Variants in MIPEP observed in about 807,000 individuals in gnomAD.
The protein encoded by MIPEP is mitochondrial intermediate peptidase.
Under a neutral mutation model 90.3 loss-of-function variants are expected in MIPEP, and 79 were observed. That is an observed-to-expected ratio of 0.87 (90% CI 0.73 to 1.05). The LOEUF is 1.05. Among genes scored for constraint, MIPEP ranks in the 50% least tolerant of loss-of-function variants. The probability of loss-of-function intolerance (pLI) is 0.00; values close to 1 mark genes in which losing one functional copy is unlikely to be tolerated. For missense variants in MIPEP, 940 were observed against 905.6 expected (o/e 1.04, Z -0.49); for synonymous variants, 334 against 315.8 (o/e 1.06, Z -0.61).
intron 2 of MIPEP, 106 bp downstream of exon 2, chr13:23,886,227 T>C (rs920436267): frequency 6.7e-5 from 60 of 897,646 alleles, no homozygotes; most frequent in Non-Finnish European, 8.1e-5. Flanking sequence ...CAGACATTTT[T>C]AACTTTATAA....
intron 16 of MIPEP, 73 bp from the exon 17 acceptor site, chr13:23,760,290 C>T (rs909665310): frequency 1.8e-5 from 28 of 1,594,566 alleles, no homozygotes; most frequent in Non-Finnish European, 2.4e-5. Context: ...TGTGAGAACA[C>T]AGTGGAGACA....
intron 16 of MIPEP, among the ~76,000 whole-genome samples, chr13:23,765,541 C>T (rs891843253): frequency 8.5e-5 from 13 of 152,198 alleles, no homozygotes; most frequent in South Asian, 2.1e-4. Flanking sequence ...GGCCTTGAAA[C>T]ATATCCCTTG....
At chr13:23,821,739 G>A (rs1335407521) in intron 14 of MIPEP, among the ~76,000 whole-genome samples, 2 of 152,166 alleles carry the variant, frequency 1.3e-5, no homozygotes, top group Non-Finnish European at 2.9e-5. Context: ...AGTATTTGCA[G>A]ATAACCTAGA....
At chr13:23,767,342 T>C (rs556025374) in intron 16 of MIPEP, among the ~76,000 whole-genome samples, 2 of 152,176 alleles carry the variant, frequency 1.3e-5, no homozygotes, top group Non-Finnish European at 2.9e-5. Context: ...TTTTTTTAAA[T>C]GAGACTTAGG....
chr13:23,862,201 A>G, intron 9 of MIPEP, 101 bp downstream of exon 9: 3 of 719,908 alleles, frequency 4.2e-6, no homozygotes, highest in Non-Finnish European at 7.2e-6. Flanking sequence ...ACAAGACTAA[A>G]TGGACCTGTA....
intron 3 of MIPEP, 45 bp from the exon 4 acceptor site, chr13:23,879,399 C>T (rs764243966): frequency 9.8e-7 from 1 of 1,024,596 alleles, no homozygotes; most frequent in Non-Finnish European, 1.5e-6. Context: ...TTTCTAATAC[C>T]TTATTTTTAA....
intron 4 of MIPEP, among the ~76,000 whole-genome samples, chr13:23,876,003 G>A (rs1345991966): frequency 3.9e-5 from 6 of 152,212 alleles, no homozygotes; most frequent in African/African-American, 1.4e-4. Context: ...GACTGCAAAT[G>A]TTTTTACTCT....
intron 1 of MIPEP, among the ~76,000 whole-genome samples, chr13:23,887,910 A>G (rs546972112): frequency 8.5e-5 from 13 of 152,336 alleles, no homozygotes; most frequent in African/African-American, 2.6e-4. Flanking sequence ...TGTCATCTTT[A>G]TACTGATTTA....
At chr13:23,765,057 A>G (rs1330898427) in intron 16 of MIPEP, among the ~76,000 whole-genome samples, 1 of 152,202 alleles carries the variant, frequency 6.6e-6, no homozygotes, top group African/African-American at 2.4e-5. Flanking sequence ...CTGCAACCAC[A>G]ACCAAACGCA....
chr13:23,830,713 T>C (rs185437161), intron 14 of MIPEP, among the ~76,000 whole-genome samples: 1 of 152,340 alleles, frequency 6.6e-6, no homozygotes, highest in African/African-American at 2.4e-5. Context: ...CATGGTATCC[T>C]TCAAATGGTA....
chr13:23,760,041 G>C, intron 17 of MIPEP, 55 bp downstream of exon 17: 1 of 1,608,412 alleles, frequency 6.2e-7, no homozygotes, highest in Non-Finnish European at 8.5e-7. Flanking sequence ...AGATGTAATA[G>C]AGTGGGGAAT....
At chr13:23,822,685 T>C (rs1223182364) in intron 14 of MIPEP, among the ~76,000 whole-genome samples, 1 of 152,192 alleles carries the variant, frequency 6.6e-6, no homozygotes, top group Non-Finnish European at 1.5e-5. Flanking sequence ...ATTCTATTGT[T>C]TGTTAATGCC....
intron 4 of MIPEP, 128 bp downstream of exon 4, chr13:23,879,140 T>A (rs1871182632): frequency 2.9e-6 from 2 of 680,280 alleles, no homozygotes; most frequent in East Asian, 2.5e-5. Context: ...AGTGCAGGAG[T>A]CATAGAGATA....
chr13:23,863,703 T>C (rs145288782), intron 8 of MIPEP, among the ~76,000 whole-genome samples: 195 of 152,194 alleles, frequency 1.3e-3, no homozygotes, highest in African/African-American at 4.5e-3. Flanking sequence ...AGTAGAACAC[T>C]TCAGCTTGAA....
In MIPEP at chr13:23,837,623, T is replaced by C; in HGVS notation, c.1472A>G (p.Glu491Gly). The C allele has an allele frequency of 6.2e-7, 1 of 1,614,106 alleles. No individual in the cohort carries two copies. Among genetic ancestry groups the C allele is most frequent in the South Asian group, 1.1e-5 (1 of 91,086 alleles). The change falls in exon 13 of 19, where the codon GAA becomes GGA. Residue 491 changes from glutamate (E) to glycine (G), a missense_variant. By Grantham distance (98) the Glu-to-Gly change is moderately conservative. Transcript: ENST00000382172. ...ATGTCCCATTTCATGGAAAAGATTT[T>C]CCATCATGCTAGGAGTTAGCAAAGT... is the stretch of plus-strand genomic sequence containing the variant. ...SPTLLTPSMM[E>G]NLFHEMGHAM...
intron 16 of MIPEP, among the ~76,000 whole-genome samples, chr13:23,768,105 A>T (rs1952610528): frequency 6.6e-6 from 1 of 151,788 alleles, no homozygotes; most frequent in Non-Finnish European, 1.5e-5. Context: ...CTAGCTTTGA[A>T]ATGGTGAAGA....
chr13:23,825,603 G>A (rs987084441), intron 14 of MIPEP, among the ~76,000 whole-genome samples: 3 of 152,130 alleles, frequency 2.0e-5, no homozygotes, highest in African/African-American at 4.8e-5. Flanking sequence ...AATTTTTAAC[G>A]AGAAAATACC....
In MIPEP at chr13:23,869,350, C is replaced by A; in HGVS notation, c.885G>T (p.Leu295Phe). The A allele has an allele frequency of 1.2e-6, 2 of 1,613,142 alleles. No homozygotes were observed. Among genetic ancestry groups the A allele is most frequent in the Non-Finnish European group, 1.7e-6 (2 of 1,179,748 alleles). ...TGTGAGAAAACGTGGAATACCCCAC[C>A]AACTTTGCCAGAAGATCTCTGCTGC... The part of the protein sequence containing the change: ...LLSSRDLLAK[L>F]VGYSTFSHRA... Residue 295 changes from leucine (L) to phenylalanine (F), a missense_variant, in exon 7 of 19, where the codon TTG becomes TTT. By Grantham distance (22) the Leu-to-Phe change is conservative (BLOSUM62 0). Coordinates refer to ENST00000382172, the MANE Select transcript of MIPEP (RefSeq NM_005932.4).
chr13:23,805,885 A>G, intron 16 of MIPEP, 65 bp downstream of exon 16: 1 of 1,547,510 alleles, frequency 6.5e-7, no homozygotes, highest in African/African-American at 1.4e-5. Flanking sequence ...GAAGATAATC[A>G]CAAGCTACAG....
Sources: allele counts gnomAD v4.1 joint callset (sites outside exome capture counted in the v4.1 genomes callset), GRCh38; gene constraint gnomAD v4.1.1; transcripts MANE v1.5; gene names NCBI Gene and HGNC (gene_info 2026-07-23, HGNC 2026-07-21).